PIAS1: variants seen among roughly 807,000 people sequenced by gnomAD.
PIAS1 encodes E3 SUMO-protein ligase PIAS1.
In PIAS1, 6 loss-of-function variants were observed where a neutral mutation model predicts 71.3. The ratio of observed to expected loss-of-function variants is 0.08; its 90% CI spans 0.05 to 0.17. The LOEUF is 0.17. Ranked by LOEUF, PIAS1 falls within the 10% of genes least tolerant of loss-of-function variation. The pLI is 1.00. For missense variants in PIAS1, 555 were observed against 793.6 expected (o/e 0.70, Z 3.61); for synonymous variants, 303 against 292.9 (o/e 1.03, Z -0.35).
rs1292863280 is a variant in PIAS1 at position 68,171,317 on chromosome 15, C to T, written c.1009-2415C>T. Among the ~76,000 whole-genome samples the T allele has an allele frequency of 1.3e-5, 2 of 152,172 alleles. No homozygotes were observed. Among genetic ancestry groups the T allele is most frequent in the South Asian group, 2.1e-4 (1 of 4,806 alleles). ...TCTGGAATACCTCCTGAAGGACCTG[C>T]CTGAGGCTGTTTTACAGTTAACTTT... On this transcript the variant is annotated intron_variant, in intron 8 of 13. Coordinates refer to ENST00000249636, the MANE Select transcript of PIAS1 (RefSeq NM_016166.3). The surrounding 1 kb of genome is among the most constrained non-coding windows in gnomAD (Gnocchi z 4.4).
Position 68,177,740 on chromosome 15 carries a change from A to G in PIAS1, c.1481+1086A>G, listed in dbSNP as rs577478746. ...CATACTCCAACTATACTCTCAAAAC[A>G]GGCTGTTAGTCCTGTAGACACATCA... is the stretch of plus-strand genomic sequence containing the variant. On this transcript the variant is annotated intron_variant, in intron 11 of 13. Transcript: ENST00000249636. Among the ~76,000 whole-genome samples, 3 of 152,368 alleles carry G rather than the reference A, an allele frequency of 2.0e-5. No homozygotes were observed. The East Asian group carries it at 5.8e-4, about 29-fold the overall frequency.
At chr15:68,059,726 AAAAAG>A (rs1251291928) in intron 1 of PIAS1, among the ~76,000 whole-genome samples, 2 of 151,784 alleles carry the variant, frequency 1.3e-5, no homozygotes, top group Non-Finnish European at 2.9e-5. Flanking sequence ...AAAAAAAAAA[AAAAAG>A]AAAGCAATAC....
At chr15:68,073,663 C>G (rs2092126157) in intron 1 of PIAS1, among the ~76,000 whole-genome samples, 1 of 152,030 alleles carries the variant, frequency 6.6e-6, no homozygotes, top group Non-Finnish European at 1.5e-5. Context: ...AGAGCTTCTC[C>G]TTGAAAGAAC....
intron 7 of PIAS1, among the ~76,000 whole-genome samples, chr15:68,154,417 AGGGCTGG>A (rs745645481): frequency 3.3e-5 from 5 of 152,114 alleles, no homozygotes; most frequent in Non-Finnish European, 7.4e-5. Flanking sequence ...TTTAGGAGTG[AGGGCTGG>A]GGACTTAGAA....
chr15:68,117,040 A>G (rs990027063), intron 2 of PIAS1, among the ~76,000 whole-genome samples: 2 of 152,224 alleles, frequency 1.3e-5, no homozygotes, highest in South Asian at 4.1e-4. Context: ...GAGGACATTG[A>G]AAAACCTCCC....
intron 1 of PIAS1, among the ~76,000 whole-genome samples, chr15:68,075,838 A>G (rs969891585): frequency 4.7e-5 from 7 of 149,682 alleles, no homozygotes; most frequent in African/African-American, 9.9e-5. Context: ...CTGGAGTGCA[A>G]TGATGCGATC....
chr15:68,074,109 T>A lies in PIAS1; in HGVS notation c.25-12197T>A, dbSNP rs182433643. On this transcript the variant is annotated intron_variant, in intron 1 of 13. Transcript: ENST00000249636. ...ACTCTTGGGATATAAGGAGAGGTGT[T>A]TAGCAGATGTGGATTTGGAGTTTAG... Among the ~76,000 whole-genome samples, 594 of 152,238 alleles carry A rather than the reference T, an allele frequency of 3.9e-3. 2 individuals are homozygous for A. Among genetic ancestry groups the A allele is most frequent in the African/African-American group, 0.014 (573 of 41,548 alleles).
chr15:68,159,899 A>G (rs1046317041), intron 7 of PIAS1, among the ~76,000 whole-genome samples: 3 of 152,074 alleles, frequency 2.0e-5, no homozygotes, highest in Admixed American at 6.5e-5. Context: ...CAGTTTGGCA[A>G]TTTCTTTTAA....
chr15:68,106,590 C>G (rs2092472194), intron 2 of PIAS1, among the ~76,000 whole-genome samples: 1 of 151,034 alleles, frequency 6.6e-6, no homozygotes, highest in Admixed American at 6.6e-5. Context: ...TTCATGTTTC[C>G]CCCACCTTTG....
chr15:68,166,345 T>G lies in PIAS1; in HGVS notation c.1008+1541T>G, dbSNP rs544798650. 3.9e-5 allele frequency among the ~76,000 whole-genome samples: 6 copies of G among 152,046 alleles called. No individual in the cohort carries two copies. The South Asian group carries it at 6.2e-4, about 16-fold the overall frequency. On this transcript the variant is annotated intron_variant, in intron 8 of 13. Transcript: ENST00000249636. ...GTTTTTGTGTGTGTGGTTTTTTTGT[T>G]TTTTTATTTTTTTTTTCTTTTCATG... is the stretch of plus-strand genomic sequence containing the variant.
Position 68,188,993 on chromosome 15 carries a change from T to C in PIAS1, c.*1158T>C, listed in dbSNP as rs2093105455. 1 of 152,244 alleles carries C rather than the reference T, an allele frequency of 6.6e-6. No homozygotes were observed. Among genetic ancestry groups the C allele is most frequent in the Non-Finnish European group, 1.5e-5 (1 of 68,036 alleles). 9.4% of individuals were successfully genotyped at this position (152,244 alleles called of 1,614,324 possible). ...AGAAGTCTACTATTTGATAAACAGTTGAAATTCAAGATGTGTTTGACCCTT... is the reference window on the plus strand; with the variant it reads ...AGAAGTCTACTATTTGATAAACAGTCGAAATTCAAGATGTGTTTGACCCTT... On this transcript the variant is annotated 3_prime_UTR_variant, in exon 14 of 14. Transcript: ENST00000249636.
intron 2 of PIAS1, among the ~76,000 whole-genome samples, chr15:68,090,216 T>G (rs936996466): frequency 1.3e-5 from 2 of 151,836 alleles, no homozygotes; most frequent in Admixed American, 6.6e-5. Flanking sequence ...TTATTATTAT[T>G]TTTTGAGACA....
intron 1 of PIAS1, among the ~76,000 whole-genome samples, chr15:68,075,862 A>G (rs1048650742): frequency 1.3e-5 from 2 of 151,370 alleles, no homozygotes; most frequent in African/African-American, 2.4e-5. Context: ...GCTCACTACA[A>G]CCTCGGCCCC....
At chr15:68,168,813 A>G (rs988873750) in intron 8 of PIAS1, among the ~76,000 whole-genome samples, 2 of 152,154 alleles carry the variant, frequency 1.3e-5, no homozygotes, top group African/African-American at 4.8e-5. Context: ...GTCTTGTACC[A>G]TTTCTGTGTC....
intron 2 of PIAS1, among the ~76,000 whole-genome samples, chr15:68,100,571 G>A (rs1186184374): frequency 3.3e-5 from 5 of 152,126 alleles, no homozygotes; most frequent in African/African-American, 1.2e-4. Flanking sequence ...GAACATTAGT[G>A]TAGTTTTCTG....
In PIAS1 at chr15:68,186,419, A is replaced by AGT. The variant is rs1424444618; in HGVS notation, c.1663-1123_1663-1122insGT. 2.6e-5 allele frequency among the ~76,000 whole-genome samples: 4 copies of AGT among 152,262 alleles called. No individual in the cohort carries two copies. The highest frequency in any genetic ancestry group is 5.9e-5 in the Non-Finnish European group (4 of 68,042). ...GGAAATATTTTTGTTCAGCTGTACA[A>AGT]TGTACTTGTGTTTTAAATTAAGTGT... On this transcript the variant is annotated intron_variant, in intron 13 of 13. Coordinates refer to ENST00000249636, the MANE Select transcript of PIAS1 (RefSeq NM_016166.3). This position sits in a 1 kb window ranked among gnomAD's most constrained non-coding sequence, Gnocchi z 4.4.
Position 68,185,690 on chromosome 15 carries a change from G to A in PIAS1, c.1663-1852G>A, listed in dbSNP as rs1322063869. On this transcript the variant is annotated intron_variant, in intron 13 of 13. Coordinates refer to ENST00000249636, the MANE Select transcript of PIAS1 (RefSeq NM_016166.3). The surrounding 1 kb of genome is among the most constrained non-coding windows in gnomAD (Gnocchi z 4.4). ...TTAAAAACATGGGCCCTGGCTGGGC[G>A]CTGTGGCTTACACCTATAATCCCAG... 1.3e-5 allele frequency among the ~76,000 whole-genome samples: 2 copies of A among 151,924 alleles called. No individual in the cohort carries two copies. Among genetic ancestry groups the A allele is most frequent in the East Asian group, 1.9e-4 (1 of 5,154 alleles).
At chr15:68,062,840 C>CTT (rs138724427) in intron 1 of PIAS1, among the ~76,000 whole-genome samples, 1 of 151,842 alleles carries the variant, frequency 6.6e-6, no homozygotes, top group African/African-American at 2.4e-5. Flanking sequence ...CTACAGTTTG[C>CTT]TTTTTTTTAC....
chr15:68,120,612 G>A (rs763046722), intron 2 of PIAS1, among the ~76,000 whole-genome samples: 4 of 151,808 alleles, frequency 2.6e-5, no homozygotes, highest in Non-Finnish European at 5.9e-5. Flanking sequence ...CCCCCTCCTG[G>A]TCTTTGTGCT....
Sources: gnomAD v4.1 joint callset for allele counts (sites outside exome capture counted in the v4.1 genomes callset) on GRCh38, gnomAD v4.1.1 for gene constraint, Gnocchi (gnomAD v3.1) non-coding constraint, MANE v1.5 for transcripts, NCBI Gene and HGNC (gene_info 2026-07-23, HGNC 2026-07-21) for gene names.